The following P3H2 variants were observed in gnomAD, a reference collection of about 807,000 sequenced individuals.
P3H2 encodes the protein leprecan-like 1.
A neutral mutation model predicts 87.0 loss-of-function variants in P3H2; 80 were observed. The observed-to-expected ratio is 0.92, with a 90% confidence interval of 0.77 to 1.11. The LOEUF (loss-of-function observed/expected upper bound fraction) is 1.11. Among genes scored for constraint, P3H2 ranks in the 50% least tolerant of loss-of-function variants. The pLI is 0.00. For missense variants in P3H2, 1,001 were observed against 923.9 expected, an observed-to-expected ratio of 1.08 and a Z score of -1.08; for synonymous variants, 367 against 359.3, an observed-to-expected ratio of 1.02 and a Z score of -0.24.
In P3H2 at chr3:190,011,142, G is replaced by T. The variant is rs374378011; in HGVS notation, c.481-15700C>A. Among the ~76,000 whole-genome samples, 81 of 152,132 alleles carry T rather than the reference G, an allele frequency of 5.3e-4. 3 individuals carry two copies. The South Asian group carries it at 0.013, about 24-fold the overall frequency. ...TACAAACAATTAACTGGGCATGGTGGCACGCACCTGTAGTCCCAGCTACTC... is the reference window on the plus strand; with the variant it reads ...TACAAACAATTAACTGGGCATGGTGTCACGCACCTGTAGTCCCAGCTACTC... On this transcript the variant is annotated intron_variant, in intron 1 of 14. Coordinates refer to ENST00000319332, the MANE Select transcript of P3H2 (RefSeq NM_018192.4).
rs150058796 is a variant in P3H2, at chr3:190,063,050, C to T, written c.480+57202G>A. Among the ~76,000 whole-genome samples the T allele has an allele frequency of 2.1e-3, 315 of 152,246 alleles. 1 individual carries two copies. Among genetic ancestry groups the T allele is most frequent in the African/African-American group, 7.3e-3 (302 of 41,564 alleles). ...AGAGAAGTTATATAAAGCTATTCTT[C>T]TATTAAGCCAGTGTATTTGGGCCCA... On this transcript the variant is annotated intron_variant, in intron 1 of 14. Coordinates refer to ENST00000319332, the MANE Select transcript of P3H2 (RefSeq NM_018192.4).
At chr3:190,033,315 T>G (rs1376295816) in intron 1 of P3H2, among the ~76,000 whole-genome samples, 1 of 152,172 alleles carries the variant, frequency 6.6e-6, no homozygotes, top group African/African-American at 2.4e-5. Flanking sequence ...TTAACTGAAT[T>G]AGTAATATTG....
At chr3:190,038,430 A>C (rs1725492791) in intron 1 of P3H2, among the ~76,000 whole-genome samples, 1 of 148,870 alleles carries the variant, frequency 6.7e-6, no homozygotes, top group Non-Finnish European at 1.5e-5. Context: ...CAATCACCCC[A>C]GGTGTCCTCC....
At chr3:190,056,993 A>G (rs1726180875) in intron 1 of P3H2, among the ~76,000 whole-genome samples, 1 of 152,194 alleles carries the variant, frequency 6.6e-6, no homozygotes, top group South Asian at 2.1e-4. Context: ...GATAACTTGG[A>G]TTCATTTATA....
chr3:190,047,560 T>C (rs28739324), intron 1 of P3H2, among the ~76,000 whole-genome samples: 2,416 of 152,310 alleles, frequency 0.016, 75 homozygotes, highest in African/African-American at 0.056. Context: ...GTATTCTTTT[T>C]TATGGCTGAA....
rs1009051871 is a variant in P3H2, at chr3:190,120,850, C to G, written c.-119G>C. On this transcript the variant is annotated 5_prime_UTR_variant, in exon 1 of 15. Transcript: ENST00000319332. ...CGCGCCGACTCCGCCGCGATCTGGC[C>G]GCTCCGCGAGCCCCAGGTGACCGCC... 27 of 1,418,866 alleles carry G rather than the reference C, an allele frequency of 1.9e-5. No individual in the cohort carries two copies. The South Asian group carries it at 3.6e-4, about 19-fold the overall frequency. 87.9% of individuals were successfully genotyped at this position (1,418,866 alleles called of 1,614,324 possible).
chr3:190,009,309 A>C (rs1438192389), intron 1 of P3H2, among the ~76,000 whole-genome samples: 4 of 152,200 alleles, frequency 2.6e-5, no homozygotes, highest in Non-Finnish European at 5.9e-5. Context: ...TAGCTCTAAA[A>C]ATTTCCTTCC....
intron 1 of P3H2, among the ~76,000 whole-genome samples, chr3:190,034,003 C>G (rs535308351): frequency 2.6e-5 from 4 of 152,290 alleles, no homozygotes; most frequent in African/African-American, 7.2e-5. Context: ...ACTTTCCTAA[C>G]ATGGGTTTTG....
intron 13 of P3H2, among the ~76,000 whole-genome samples, chr3:189,968,013 A>G (rs528607509): frequency 6.6e-6 from 1 of 152,308 alleles, no homozygotes; most frequent in African/African-American, 2.4e-5. Flanking sequence ...TAATGCCAAA[A>G]CTTTGAAGTT....
At chr3:190,084,385 A>G (rs1727145533) in intron 1 of P3H2, among the ~76,000 whole-genome samples, 1 of 152,226 alleles carries the variant, frequency 6.6e-6, no homozygotes, top group Non-Finnish European at 1.5e-5. Context: ...TAGCACACTA[A>G]TAGCATTATT....
chr3:189,988,761 T>C lies in P3H2; in HGVS notation c.955+146A>G, dbSNP rs540469589. The C allele has an allele frequency of 1.8e-5, 18 of 1,018,656 alleles. No individual in the cohort carries two copies. In the Admixed American group the frequency reaches 2.6e-4, roughly 15 times the overall value. 63.1% of individuals were successfully genotyped at this position (1,018,656 alleles called of 1,614,324 possible). A position where few individuals can be genotyped will look rare whatever the true frequency, so the allele number is the denominator to read the frequency against. On this transcript the variant is annotated intron_variant, in intron 4 of 14. Coordinates refer to ENST00000319332, the MANE Select transcript of P3H2 (RefSeq NM_018192.4). ...ATATCCCCTTCTGCTCTTCTTGTCC[T>C]GCAGCTCAGGAGAGAAGAAATGCAT...
At chr3:189,994,908 C>A (rs529220445) in intron 2 of P3H2, among the ~76,000 whole-genome samples, 1 of 152,000 alleles carries the variant, frequency 6.6e-6, no homozygotes, top group African/African-American at 2.4e-5. Context: ...TAATCCTGAA[C>A]AATTTACACT....
intron 13 of P3H2, among the ~76,000 whole-genome samples, chr3:189,968,704 C>T (rs1723076124): frequency 6.6e-6 from 1 of 152,180 alleles, no homozygotes; most frequent in African/African-American, 2.4e-5. Context: ...AATTTACACT[C>T]CCACCAACAG....
At chr3:190,027,462 AAT>A (rs1343068460) in intron 1 of P3H2, among the ~76,000 whole-genome samples, 1 of 152,142 alleles carries the variant, frequency 6.6e-6, no homozygotes, top group Non-Finnish European at 1.5e-5. Flanking sequence ...GGAATAAAAT[AAT>A]TAACTCTGAG....
rs1328375348 is a variant in P3H2 at position 189,983,125 on chromosome 3, C to G, written c.1245G>C (p.Val415=). 1.2e-6 allele frequency: 2 copies of G among 1,613,746 alleles called. No homozygotes were observed. Among genetic ancestry groups the G allele is most frequent in the South Asian group, 2.2e-5 (2 of 91,070 alleles). ...CATGAACTTCTGCTCCCTCTACGTTCACTCCTGAAGGGACCCTGCCCATTC... is the reference window on the plus strand; with the variant it reads ...CATGAACTTCTGCTCCCTCTACGTTGACTCCTGAAGGGACCCTGCCCATTC... ...RQDENRVPSG[V]NVEGAEVHGF... Residue 415 remains valine (V), a synonymous_variant, in exon 8 of 15, where the codon GTG becomes GTC. Coordinates refer to ENST00000319332, the MANE Select transcript of P3H2 (RefSeq NM_018192.4).
At position 190,039,189 on chromosome 3, in the gene P3H2, C is replaced by CAAAA. The variant is rs3062148; in HGVS notation, c.481-43751_481-43748dup. Reference sequence around the variant, plus strand: ...GGACAACAAAAGCGAAACTCCATCTCAAAAAAAAAAATAAAAAAGAATTGA... The same window carrying CAAAA: ...GGACAACAAAAGCGAAACTCCATCTCAAAAAAAAAAAAAAATAAAAAAGAATTGA... On this transcript the variant is annotated intron_variant, in intron 1 of 14. Transcript: ENST00000319332. Among the ~76,000 whole-genome samples, 454 of 147,152 alleles carry CAAAA rather than the reference C, an allele frequency of 3.1e-3. 2 individuals are homozygous for CAAAA. The highest frequency in any genetic ancestry group is 9.5e-3 in the African/African-American group (377 of 39,700).
intron 1 of P3H2, among the ~76,000 whole-genome samples, chr3:190,023,585 T>C (rs1724998370): frequency 6.6e-6 from 1 of 152,194 alleles, no homozygotes; most frequent in African/African-American, 2.4e-5. Context: ...ACTGCCCCCA[T>C]GACTCAATTA....
chr3:190,012,207 GGTGTGTGTGT>G lies in P3H2; in HGVS notation c.481-16775_481-16766del, dbSNP rs3062120. Among the ~76,000 whole-genome samples, 993 of 145,690 alleles carry G rather than the reference GGTGTGTGTGT, an allele frequency of 6.8e-3. 13 individuals are homozygous for G. The highest frequency in any genetic ancestry group is 0.024 in the African/African-American group (921 of 38,948). ...AGGTGTGTGCCTGTGTGTAGGTAAA[GGTGTGTGTGT>G]GTGTGTGTGTGTGTGTGTGTGTGTA... On this transcript the variant is annotated intron_variant, in intron 1 of 14. Transcript: ENST00000319332.
At chr3:190,007,986 A>ATATATATATG (rs1560359925) in intron 1 of P3H2, among the ~76,000 whole-genome samples, 13 of 141,574 alleles carry the variant, frequency 9.2e-5, no homozygotes, top group African/African-American at 3.5e-4. Context: ...ATATATATAT[A>ATATATATATG]GTAAACTTCA....
Sources: gnomAD v4.1 joint callset for allele counts (sites outside exome capture counted in the v4.1 genomes callset) on GRCh38, gnomAD v4.1.1 for gene constraint, MANE v1.5 for transcripts, NCBI Gene and HGNC (gene_info 2026-07-23, HGNC 2026-07-21) for gene names.